Variants in KREMEN1 observed in about 807,000 individuals in gnomAD.
KREMEN1 encodes the protein kringle containing transmembrane protein 1, also known as kremen protein 1.
A neutral mutation model predicts 46.5 loss-of-function variants in KREMEN1; 30 were observed. That is an observed-to-expected ratio of 0.65 (90% confidence interval 0.48 to 0.88). The LOEUF is 0.88. Ranked by LOEUF, KREMEN1 falls within the 40% of genes least tolerant of loss-of-function variation. The probability of loss-of-function intolerance (pLI) is 0.00; values close to 1 mark genes in which losing one functional copy is unlikely to be tolerated. For missense variants in KREMEN1, 533 were observed against 596.9 expected (o/e 0.89, Z 1.11); for synonymous variants, 214 against 230.6 (o/e 0.93, Z 0.65).
intron 1 of KREMEN1, among the ~76,000 whole-genome samples, chr22:29,076,658 C>G (rs2037576759): frequency 6.6e-6 from 1 of 152,128 alleles, no homozygotes; most frequent in South Asian, 2.1e-4. Context: ...CAAGGCCAGC[C>G]TGGCCAACAT....
chr22:29,123,828 GT>G (rs2038397039), intron 4 of KREMEN1, among the ~76,000 whole-genome samples: 1 of 152,054 alleles, frequency 6.6e-6, no homozygotes, highest in East Asian at 1.9e-4. Context: ...AGAAGATATA[GT>G]CGACATCATT....
Position 29,073,142 on chromosome 22 carries a change from A to C in KREMEN1, c.12A>C (p.Pro4=), listed in dbSNP as rs7292708. 759,007 of 1,088,030 alleles carry C rather than the reference A, an allele frequency of 0.7. 266,238 individuals carry two copies. Among genetic ancestry groups the C allele is most frequent in the African/African-American group, 0.83 (48,631 of 58,676 alleles). 67.4% of individuals were successfully genotyped at this position (1,088,030 alleles called of 1,614,324 possible). ...CGCACTGACGGCCCATGGCGCCGCC[A>C]GCCGCCCGCCTCGCCCTGCTCTCCG... The part of the protein sequence containing the change: MAP[P]AARLALLSAA... The change falls in exon 1 of 9, where the codon CCA becomes CCC. Residue 4 remains proline, a synonymous_variant. Transcript: ENST00000400335. This position sits in a 1 kb window ranked among gnomAD's most constrained non-coding sequence, Gnocchi z 4.4.
chr22:29,156,767 C>T (rs1271396449), intron 9 of KREMEN1, among the ~76,000 whole-genome samples: 1 of 152,236 alleles, frequency 6.6e-6, no homozygotes, highest in Non-Finnish European at 1.5e-5. Flanking sequence ...GGGGCAGGCA[C>T]TCGGTCATCT....
chr22:29,138,692 C>A lies in KREMEN1; in HGVS notation c.1033C>A (p.Gln345Lys). The A allele has an allele frequency of 6.2e-7, 1 of 1,614,184 alleles. No individual in the cohort carries two copies. Among genetic ancestry groups the A allele is most frequent in the Non-Finnish European group, 8.5e-7 (1 of 1,180,030 alleles). Residue 345 changes from glutamine to lysine, a missense_variant, in exon 7 of 9, where the codon CAG (glutamine) becomes AAG (lysine). Coordinates refer to ENST00000400335, the MANE Select transcript of KREMEN1 (RefSeq NM_001039570.3). ...NQTVAEVITE[Q>K]ANLSVSAARS... is the part of the protein sequence containing the mutation. The stretch of plus-strand genomic sequence containing the variant: ...GACGGTGGCCGAGGTGATCACGGAG[C>A]AGGCCAACCTCAGTGTCAGCGCTGC...
rs186927604 is a variant in KREMEN1, at chr22:29,144,260, C to A, written c.*2148C>A. On this transcript the variant is annotated 3_prime_UTR_variant, in exon 9 of 9. Coordinates refer to ENST00000400335, the MANE Select transcript of KREMEN1 (RefSeq NM_001039570.3). The stretch of plus-strand genomic sequence containing the variant: ...TCTGGAAACACCTCTGCACCTGCCG[C>A]CCCTGGGAGGAAAGAGGGCCACACA... 3.0e-6 allele frequency: 3 copies of A among 985,634 alleles called. No homozygotes were observed. In the African/African-American group the frequency reaches 5.2e-5, roughly 17 times the overall value. The allele number at this position is 985,634 out of a possible 1,614,324, so 61.1% of individuals were successfully genotyped here.
intron 5 of KREMEN1, chr22:29,134,035 A>T (rs555027821): frequency 6.6e-6 from 1 of 152,280 alleles, no homozygotes; most frequent in South Asian, 2.1e-4. Flanking sequence ...AGCAGCACAT[A>T]TACTAAAATT....
In KREMEN1 at chr22:29,146,020, C is replaced by T; in HGVS notation, c.*3908C>T. ...ATCCTGGCACTGCACGCTTACTCTT[C>T]ACAAGCACTTATACGCGGATGGCCT... On this transcript the variant is annotated 3_prime_UTR_variant, in exon 9 of 9. Coordinates refer to ENST00000400335, the MANE Select transcript of KREMEN1 (RefSeq NM_001039570.3). 3 of 985,542 alleles carry T rather than the reference C, an allele frequency of 3.0e-6. No individual in the cohort carries two copies. The highest frequency in any genetic ancestry group is 3.6e-6 in the Non-Finnish European group (3 of 829,604). The allele number at this position is 985,542 out of a possible 1,614,324, so 61.0% of individuals were successfully genotyped here.
chr22:29,138,571 C>G (rs2038706107), intron 6 of KREMEN1, 53 bp from the exon 7 acceptor site: 1 of 1,551,696 alleles, frequency 6.4e-7, no homozygotes, highest in African/African-American at 1.4e-5. Flanking sequence ...TCCCGCACAA[C>G]TCTTTGTTGT....
At chr22:29,089,187 G>A (rs1002511421) in intron 1 of KREMEN1, among the ~76,000 whole-genome samples, 4 of 152,104 alleles carry the variant, frequency 2.6e-5, no homozygotes, top group East Asian at 1.9e-4. Flanking sequence ...AGCCATTTGC[G>A]TACTCTACAT....
At chr22:29,126,680 G>A (rs1175246742) in intron 5 of KREMEN1, among the ~76,000 whole-genome samples, 1 of 152,158 alleles carries the variant, frequency 6.6e-6, no homozygotes, top group Non-Finnish European at 1.5e-5. Context: ...TATATATGGT[G>A]ACTATAAAAC....
chr22:29,131,250 C>G (rs1488326687), intron 5 of KREMEN1, among the ~76,000 whole-genome samples: 1 of 151,908 alleles, frequency 6.6e-6, no homozygotes, highest in East Asian at 1.9e-4. Flanking sequence ...TGCTCAAATT[C>G]ATAGTTAGTA....
chr22:29,120,087 A>G (rs2038312101), intron 3 of KREMEN1, among the ~76,000 whole-genome samples: 1 of 96,226 alleles, frequency 1.0e-5, no homozygotes. Context: ...AAGGAAATGG[A>G]GGAGGGAGAG....
chr22:29,124,046 C>T (rs1311280364), intron 4 of KREMEN1, among the ~76,000 whole-genome samples: 1 of 152,014 alleles, frequency 6.6e-6, no homozygotes, highest in African/African-American at 2.4e-5. Flanking sequence ...ATACATCTAC[C>T]ATATGACCTA....
chr22:29,166,725 G>A (rs926603323), intron 9 of KREMEN1, among the ~76,000 whole-genome samples: 2 of 152,120 alleles, frequency 1.3e-5, no homozygotes, highest in Non-Finnish European at 2.9e-5. Context: ...GATCACTTGA[G>A]CCCAGGAGTT....
At chr22:29,140,156 C>T in intron 7 of KREMEN1, 126 bp from the exon 8 acceptor site, 1 of 713,440 alleles carries the variant, frequency 1.4e-6, no homozygotes, top group Non-Finnish European at 2.5e-6. Context: ...GGTTTGCTAG[C>T]TGCCCTCCCA....
intron 1 of KREMEN1, among the ~76,000 whole-genome samples, chr22:29,093,203 C>A (rs2037829055): frequency 1.3e-5 from 2 of 152,090 alleles, no homozygotes; most frequent in Non-Finnish European, 2.9e-5. Context: ...GGAGTAGGCA[C>A]ATGGATGACA....
chr22:29,098,492 A>G (rs1324227608), intron 2 of KREMEN1, among the ~76,000 whole-genome samples: 1 of 152,178 alleles, frequency 6.6e-6, no homozygotes, highest in East Asian at 1.9e-4. Context: ...TTGCATATTC[A>G]TCAGCGGCAT....
intron 3 of KREMEN1, among the ~76,000 whole-genome samples, chr22:29,102,035 G>A (rs2037985170): frequency 6.6e-6 from 1 of 152,208 alleles, no homozygotes; most frequent in Non-Finnish European, 1.5e-5. Flanking sequence ...TATGCCAGAA[G>A]AGCTCAGTGC....
intron 1 of KREMEN1, among the ~76,000 whole-genome samples, chr22:29,087,608 C>T (rs2037749001): frequency 6.6e-6 from 1 of 151,734 alleles, no homozygotes; most frequent in African/African-American, 2.4e-5. Context: ...CTTTGTTGCC[C>T]AGGCCAGAGT....
Sources: gnomAD v4.1 joint callset for allele counts (sites outside exome capture counted in the v4.1 genomes callset) on GRCh38, gnomAD v4.1.1 for gene constraint, Gnocchi (gnomAD v3.1) non-coding constraint, MANE v1.5 for transcripts, NCBI Gene and HGNC (gene_info 2026-07-23, HGNC 2026-07-21) for gene names.